Variants in NCAM1 observed in about 807,000 individuals in gnomAD.
NCAM1 encodes the protein neural cell adhesion molecule 1.
NCAM1 carries 14 observed loss-of-function variants against 109.8 expected under a neutral mutation model. The ratio of observed to expected loss-of-function variants is 0.13; its 90% CI spans 0.08 to 0.20. NCAM1 has a LOEUF of 0.20. Ranked by LOEUF, NCAM1 falls within the 10% of genes least tolerant of loss-of-function variation. The pLI, the probability that NCAM1 is intolerant of heterozygous loss-of-function variation, is 1.00. For missense variants in NCAM1, 774 were observed against 1,109.9 expected (o/e 0.70, Z 4.30); for synonymous variants, 418 against 442.9 (o/e 0.94, Z 0.70).
At chr11:113,156,694 A>G (rs2136313546) in intron 1 of NCAM1, among the ~76,000 whole-genome samples, 1 of 152,250 alleles carries the variant, frequency 6.6e-6, no homozygotes, top group East Asian at 1.9e-4. Context: ...GGAAGGAGAA[A>G]ATAAGGGAGA....
At chr11:112,989,856 A>G (rs1293529425) in intron 1 of NCAM1, among the ~76,000 whole-genome samples, 1 of 152,222 alleles carries the variant, frequency 6.6e-6, no homozygotes, top group Admixed American at 6.5e-5. Flanking sequence ...TCTACTGTTC[A>G]TCAAGGTTAC....
intron 1 of NCAM1, among the ~76,000 whole-genome samples, chr11:113,201,164 C>T (rs782707734): frequency 3.3e-5 from 5 of 152,096 alleles, no homozygotes; most frequent in East Asian, 1.9e-4. Context: ...TTAGGAAGGC[C>T]GCACCCCCTT....
chr11:113,231,245 G>T (rs1039104842), intron 9 of NCAM1: 1 of 1,536,108 alleles, frequency 6.5e-7, no homozygotes, highest in East Asian at 2.4e-5. Context: ...GGACAGGCTG[G>T]CAGTGCAGGT....
intron 1 of NCAM1, among the ~76,000 whole-genome samples, chr11:113,045,635 T>C (rs1276069852): frequency 6.6e-6 from 1 of 152,224 alleles, no homozygotes; most frequent in Admixed American, 6.5e-5. Context: ...TTATTTATAC[T>C]TCCTGATACG....
chr11:113,255,151 A>G (rs1945800949), intron 15 of NCAM1, among the ~76,000 whole-genome samples: 1 of 152,196 alleles, frequency 6.6e-6, no homozygotes, highest in Non-Finnish European at 1.5e-5. Context: ...ACTGATTGTT[A>G]CTTTAACACA....
intron 14 of NCAM1, among the ~76,000 whole-genome samples, chr11:113,243,942 C>G (rs1349476653): frequency 6.6e-6 from 1 of 151,956 alleles, no homozygotes; most frequent in African/African-American, 2.4e-5. Flanking sequence ...TCTTGGTGTT[C>G]CCTCCGTGTG....
At position 113,213,148 on chromosome 11, in the gene NCAM1, T is replaced by A. The variant is rs538963434; in HGVS notation, c.917-1221T>A. Among the ~76,000 whole-genome samples, 293 of 152,368 alleles carry A rather than the reference T, an allele frequency of 1.9e-3. 3 individuals carry two copies. The highest frequency in any genetic ancestry group is 4.8e-3 in the Admixed American group (74 of 15,306). ...GAGAAGATATATAGGCAGTTGTTTA[T>A]TTGCCTACTTAGGGTTACTGTATGA... On this transcript the variant is annotated intron_variant, in intron 7 of 19. Transcript: ENST00000316851.
At chr11:113,071,653 C>G (rs1555085297) in intron 1 of NCAM1, among the ~76,000 whole-genome samples, 1 of 152,072 alleles carries the variant, frequency 6.6e-6, no homozygotes, top group Non-Finnish European at 1.5e-5. Context: ...TCTCAATCTC[C>G]TGACCTCGTG....
intron 1 of NCAM1, among the ~76,000 whole-genome samples, chr11:113,159,984 A>G (rs1664451955): frequency 6.6e-6 from 1 of 151,774 alleles, no homozygotes; most frequent in Non-Finnish European, 1.5e-5. Flanking sequence ...TACTATATGT[A>G]TTCATTACTC....
At chr11:113,242,709 C>T in intron 14 of NCAM1, 1 of 1,036,990 alleles carries the variant, frequency 9.6e-7, no homozygotes, top group Admixed American at 1.7e-5. Flanking sequence ...AATATATACT[C>T]ACCCATGTAT....
chr11:113,054,808 G>A (rs943424282), intron 1 of NCAM1, among the ~76,000 whole-genome samples: 3 of 152,052 alleles, frequency 2.0e-5, no homozygotes, highest in Admixed American at 6.6e-5. Context: ...CCGTGACTGC[G>A]ATGATTAATT....
chr11:113,167,958 C>T (rs191078022), intron 1 of NCAM1, among the ~76,000 whole-genome samples: 1 of 152,124 alleles, frequency 6.6e-6, no homozygotes, highest in Non-Finnish European at 1.5e-5. Context: ...TCTTTACATA[C>T]CTGTTCTATA....
intron 14 of NCAM1, among the ~76,000 whole-genome samples, chr11:113,244,949 C>G (rs1158550274): frequency 6.6e-6 from 1 of 152,152 alleles, no homozygotes; most frequent in Non-Finnish European, 1.5e-5. Flanking sequence ...CCCTTCTTTG[C>G]CCTTCTCCCT....
intron 15 of NCAM1, among the ~76,000 whole-genome samples, chr11:113,255,397 C>T (rs1945806403): frequency 6.6e-6 from 1 of 152,066 alleles, no homozygotes; most frequent in Non-Finnish European, 1.5e-5. Context: ...ATCAGGCCTC[C>T]CAGTCCCAGG....
chr11:113,119,861 C>T (rs1367130846), intron 1 of NCAM1, among the ~76,000 whole-genome samples: 1 of 152,216 alleles, frequency 6.6e-6, no homozygotes, highest in Non-Finnish European at 1.5e-5. Context: ...GATCTACACA[C>T]AACCCAGCAC....
chr11:113,204,248 C>T (rs782751083), intron 2 of NCAM1, 38 bp from the exon 3 acceptor site: 24 of 1,538,762 alleles, frequency 1.6e-5, no homozygotes, highest in South Asian at 1.3e-4. Flanking sequence ...TTAGTCTTTT[C>T]GACTTCAGTA....
chr11:113,205,417 G>A, intron 3 of NCAM1, 106 bp from the exon 4 acceptor site: 1 of 1,411,122 alleles, frequency 7.1e-7, no homozygotes, highest in South Asian at 1.5e-5. Flanking sequence ...TGTACATCAG[G>A]ATCGAGACTT....
chr11:113,257,536 C>T (rs569678945), intron 16 of NCAM1, among the ~76,000 whole-genome samples: 4 of 152,286 alleles, frequency 2.6e-5, no homozygotes, highest in Admixed American at 2.6e-4. Flanking sequence ...AGGCTGGAAC[C>T]ATCTCCCGTA....
intron 1 of NCAM1, among the ~76,000 whole-genome samples, chr11:113,183,716 C>G (rs1943400892): frequency 6.6e-6 from 1 of 152,136 alleles, no homozygotes; most frequent in Non-Finnish European, 1.5e-5. Context: ...ACTCGCATGT[C>G]CAGGGACTTA....
Sources: allele counts gnomAD v4.1 joint callset (sites outside exome capture counted in the v4.1 genomes callset), GRCh38; gene constraint gnomAD v4.1.1; transcripts MANE v1.5; gene names NCBI Gene and HGNC (gene_info 2026-07-23, HGNC 2026-07-21).